Variants in ATP13A4 observed in about 807,000 individuals in gnomAD.
ATP13A4 encodes the protein probable cation-transporting ATPase 13A4.
In ATP13A4, 114 loss-of-function variants were observed where a neutral mutation model predicts 142.5. The observed-to-expected ratio is 0.80, with a 90% CI of 0.69 to 0.93. The LOEUF (loss-of-function observed/expected upper bound fraction) is 0.93. Ranked by LOEUF, ATP13A4 falls within the 40% of genes least tolerant of loss-of-function variation. The probability of loss-of-function intolerance (pLI) is 0.00; values close to 1 mark genes in which losing one functional copy is unlikely to be tolerated. For synonymous variants in ATP13A4, 488 were observed against 514.8 expected (o/e 0.95, Z 0.70); for missense variants, 1,392 against 1,454.0 (o/e 0.96, Z 0.69).
chr3:193,511,747 G>A (rs1312040308), intron 2 of ATP13A4, among the ~76,000 whole-genome samples: 1 of 152,044 alleles, frequency 6.6e-6, no homozygotes, highest in South Asian at 2.1e-4. Flanking sequence ...ACTAGGACAA[G>A]AAATCAAAAC....
rs978676898 is a variant in ATP13A4 at position 193,400,435 on chromosome 3, T to C, written c.*2217A>G. ...TTTTTTTGTTTTGTTTTGTTTTGTT[T>C]TTAATACACCTCTAGCCCAGGCCTG... On this transcript the variant is annotated 3_prime_UTR_variant, in exon 30 of 30. Transcript: ENST00000342695. Among the ~76,000 whole-genome samples the C allele has an allele frequency of 6.6e-6, 1 of 152,224 alleles. No individual in the cohort carries two copies. Among genetic ancestry groups the C allele is most frequent in the African/African-American group, 2.4e-5 (1 of 41,458 alleles).
chr3:193,540,237 A>G (rs998943574), intron 1 of ATP13A4, among the ~76,000 whole-genome samples: 1 of 151,988 alleles, frequency 6.6e-6, no homozygotes, highest in Non-Finnish European at 1.5e-5. Flanking sequence ...GCTTGGTCAT[A>G]ATTGATCCTT....
Position 193,492,999 on chromosome 3 carries a change from TA to T in ATP13A4, c.453-3del. The T allele has an allele frequency of 6.2e-7, 1 of 1,607,554 alleles. No individual in the cohort carries two copies. ...GAACTAAGCCAGTCTTCCAAAGAAC[TA>T]AAATAATAATAATGAAAAGAACATA... On this transcript the variant is annotated splice_polypyrimidine_tract_variant and splice_region_variant and intron_variant, in intron 4 of 29. Transcript: ENST00000342695.
chr3:193,559,711 C>T (rs1298652494), upstream of ATP13A4, among the ~76,000 whole-genome samples: 1 of 152,146 alleles, frequency 6.6e-6, no homozygotes, highest in Non-Finnish European at 1.5e-5. Flanking sequence ...CTCAAATATC[C>T]CCGTTCAGCA....
At chr3:193,559,580 G>A (rs1723971204), upstream of ATP13A4, among the ~76,000 whole-genome samples, 1 of 152,160 alleles carries the variant, frequency 6.6e-6, no homozygotes, top group South Asian at 2.1e-4. Context: ...ATTAATTAAT[G>A]TTTGTAAAAC....
intron 8 of ATP13A4, among the ~76,000 whole-genome samples, chr3:193,480,827 T>C (rs1719249144): frequency 6.6e-6 from 1 of 152,158 alleles, no homozygotes; most frequent in Admixed American, 6.6e-5. Context: ...TACTTGCATG[T>C]GCATGTCTAG....
intron 2 of ATP13A4, among the ~76,000 whole-genome samples, chr3:193,565,074 A>G (rs1044895801): frequency 2.0e-5 from 3 of 152,186 alleles, no homozygotes; most frequent in Admixed American, 6.5e-5. Context: ...GAATTATTTC[A>G]TTATATATTA....
chr3:193,411,575 G>A (rs1024880141), intron 27 of ATP13A4, among the ~76,000 whole-genome samples: 1 of 152,106 alleles, frequency 6.6e-6, no homozygotes, highest in Non-Finnish European at 1.5e-5. Context: ...CTCAATTTGG[G>A]CTTTGAATTT....
rs909660297 is a variant in ATP13A4, at chr3:193,464,863, C to T, written c.1461+77G>A. The T allele has an allele frequency of 8.7e-6, 13 of 1,486,604 alleles. No individual in the cohort carries two copies. The South Asian group carries it at 1.0e-4, about 12-fold the overall frequency. 92.1% of individuals were successfully genotyped at this position (1,486,604 alleles called of 1,614,324 possible). On this transcript the variant is annotated intron_variant, in intron 12 of 29. Transcript: ENST00000342695. ...CCCACATTCTATGTCTCCTGCCTTGCAAGGGGGTAAAAGTAGATATACATG... is the reference window on the plus strand; with the variant it reads ...CCCACATTCTATGTCTCCTGCCTTGTAAGGGGGTAAAAGTAGATATACATG...
chr3:193,440,732 C>T, intron 20 of ATP13A4, 95 bp from the exon 21 acceptor site: 2 of 1,316,000 alleles, frequency 1.5e-6, no homozygotes, highest in Non-Finnish European at 2.1e-6. Context: ...CATCATGACA[C>T]TTACGATGAA....
chr3:193,405,630 A>T (rs1463186767), intron 29 of ATP13A4, among the ~76,000 whole-genome samples: 1 of 152,152 alleles, frequency 6.6e-6, no homozygotes, highest in Non-Finnish European at 1.5e-5. Flanking sequence ...AAGGTGAAAG[A>T]GTGTGGATTC....
In ATP13A4 at chr3:193,560,214, CT is replaced by C. The variant is rs527631417; in HGVS notation, n.291+21492del. On this transcript the variant is annotated intron_variant and non_coding_transcript_variant, in intron 2 of 3. Coordinates refer to the ATP13A4 transcript ENST00000489140. ...TCACACAACATCATATTGCTACTCA[CT>C]TTTTTTTTTTTGAGACAGGGTCTCG... Among the ~76,000 whole-genome samples the C allele has an allele frequency of 2.8e-3, 409 of 146,554 alleles. 1 individual carries two copies. The highest frequency in any genetic ancestry group is 5.6e-3 in the African/African-American group (226 of 40,244).
At chr3:193,535,458 T>TA (rs1304358178) in intron 1 of ATP13A4, among the ~76,000 whole-genome samples, 5 of 149,734 alleles carry the variant, frequency 3.3e-5, no homozygotes, top group African/African-American at 7.4e-5. Flanking sequence ...AGTCTCAAGA[T>TA]AAAAAAACAA....
chr3:193,473,276 A>T (rs1162814620), intron 8 of ATP13A4, among the ~76,000 whole-genome samples: 1 of 152,206 alleles, frequency 6.6e-6, no homozygotes, highest in Non-Finnish European at 1.5e-5. Flanking sequence ...GTAAATAATG[A>T]TAAGAAAGAA....
At chr3:193,408,072 G>T (rs1714591645) in intron 28 of ATP13A4, among the ~76,000 whole-genome samples, 1 of 152,248 alleles carries the variant, frequency 6.6e-6, no homozygotes, top group Non-Finnish European at 1.5e-5. Flanking sequence ...TGATATATAT[G>T]TATGGTGAAT....
Position 193,401,275 on chromosome 3 carries a change from C to T in ATP13A4, c.*1377G>A, listed in dbSNP as rs1714251868. Among the ~76,000 whole-genome samples the T allele has an allele frequency of 6.6e-6, 1 of 152,088 alleles. No homozygotes were observed. Among genetic ancestry groups the T allele is most frequent in the South Asian group, 2.1e-4 (1 of 4,816 alleles). On this transcript the variant is annotated 3_prime_UTR_variant, in exon 30 of 30. Coordinates refer to ENST00000342695, the MANE Select transcript of ATP13A4 (RefSeq NM_032279.4). Reference sequence around the variant, plus strand: ...GTGTGCTCCTAGAGTTCAGTGTTGTCTCCTGAGGTAACAGAAACCTGAGTC... The same window carrying T: ...GTGTGCTCCTAGAGTTCAGTGTTGTTTCCTGAGGTAACAGAAACCTGAGTC...
Position 193,578,327 on chromosome 3 carries a change from ATATCTATATCTATATC to A in ATP13A4, n.291+3364_291+3379del, listed in dbSNP as rs1441598824. ...TATATCTATATCTATATCTATATCT[ATATCTATATCTATATC>A]TATCTATCTATCTATTGCATTTATT... On this transcript the variant is annotated intron_variant and non_coding_transcript_variant, in intron 2 of 3. Transcript: ENST00000489140. 4.8e-3 allele frequency among the ~76,000 whole-genome samples: 722 copies of A among 151,168 alleles called. 5 individuals are homozygous for A. The highest frequency in any genetic ancestry group is 0.017 in the African/African-American group (681 of 40,746).
At chr3:193,501,691 C>T (rs1247887593) in intron 3 of ATP13A4, among the ~76,000 whole-genome samples, 1 of 151,184 alleles carries the variant, frequency 6.6e-6, no homozygotes, top group Non-Finnish European at 1.5e-5. Flanking sequence ...GCTCATAAAA[C>T]TAATTTAAAC....
chr3:193,541,441 T>TCTA (rs1722922934), intron 1 of ATP13A4, among the ~76,000 whole-genome samples: 2 of 149,028 alleles, frequency 1.3e-5, no homozygotes, highest in African/African-American at 4.9e-5. Context: ...TCACAGATTA[T>TCTA]TAACCTGCTT....
Sources: allele counts gnomAD v4.1 joint callset (sites outside exome capture counted in the v4.1 genomes callset), GRCh38; gene constraint gnomAD v4.1.1; transcripts MANE v1.5; gene names NCBI Gene and HGNC (gene_info 2026-07-23, HGNC 2026-07-21).